Variants in SYNRG observed in about 807,000 individuals in gnomAD.
SYNRG encodes AP1 gamma subunit binding protein 1.
A neutral mutation model predicts 130.9 loss-of-function variants in SYNRG; 37 were observed. The ratio of observed to expected loss-of-function variants is 0.28; its 90% CI spans 0.22 to 0.37. SYNRG has a LOEUF of 0.37. Among genes scored for constraint, SYNRG ranks in the 10% least tolerant of loss-of-function variants. The pLI is 1.00. For missense variants in SYNRG, 1,338 were observed against 1,588.9 expected (o/e 0.84, Z 2.68); for synonymous variants, 539 against 568.1 (o/e 0.95, Z 0.73).
In SYNRG at chr17:37,542,472, T is replaced by A. The variant is rs1375968314; in HGVS notation, c.2702A>T (p.Asp901Val). ...AGAGAGTTTTCTGCCCTGAGTTGCA[T>A]CATCCCTGTCTGACCAGTCATAGCT... ...LTSYDWSDRD[D>V]ATQGRKLSPF... is the part of the protein sequence containing the mutation. The change falls in exon 15 of 22, where the codon GAT (aspartate) becomes GTT (valine). Residue 901 changes from aspartate (D) to valine (V), a missense_variant. This residue lies in a region of SYNRG where 1,146 missense variants were observed against 1,342.3 expected (regional missense o/e 0.85). Coordinates refer to ENST00000612223, the MANE Select transcript of SYNRG (RefSeq NM_007247.6). 1 of 1,614,078 alleles carries A rather than the reference T, an allele frequency of 6.2e-7. No homozygotes were observed. Among genetic ancestry groups the A allele is most frequent in the African/African-American group, 1.3e-5 (1 of 75,068 alleles).
Position 37,579,750 on chromosome 17 carries a change from G to T in SYNRG, c.590-2137C>A, listed in dbSNP as rs530583934. Among the ~76,000 whole-genome samples, 9 of 152,236 alleles carry T rather than the reference G, an allele frequency of 5.9e-5. No individual in the cohort carries two copies. The South Asian group carries it at 1.9e-3, about 32-fold the overall frequency. Reference sequence around the variant, plus strand: ...GACAGGATCTTGCTCTGTCACCTAGGCTACAGTGCTGTGGCATGCTCATAG... The same window carrying T: ...GACAGGATCTTGCTCTGTCACCTAGTCTACAGTGCTGTGGCATGCTCATAG... On this transcript the variant is annotated intron_variant, in intron 6 of 21. Coordinates refer to ENST00000612223, the MANE Select transcript of SYNRG (RefSeq NM_007247.6).
In SYNRG at chr17:37,571,884, A is replaced by G. The variant is rs141077282; in HGVS notation, c.1005T>C (p.Leu335=). 4 of 1,614,070 alleles carry G rather than the reference A, an allele frequency of 2.5e-6. No homozygotes were observed. The African/African-American group carries it at 5.3e-5, about 22-fold the overall frequency. The change falls in exon 9 of 22, where the codon CTT becomes CTC. Residue 335 remains leucine (L), a synonymous_variant. Coordinates refer to ENST00000612223, the MANE Select transcript of SYNRG (RefSeq NM_007247.6). ...GATTAGCTAAGGCCCATATCTGTCCAAGAGTTTCCCTGGGAAGCCCAGATG... is the reference window on the plus strand; with the variant it reads ...GATTAGCTAAGGCCCATATCTGTCCGAGAGTTTCCCTGGGAAGCCCAGATG... ...LMSSGLPRET[L]GQIWALANRT...
intron 10 of SYNRG, among the ~76,000 whole-genome samples, chr17:37,569,654 C>CAA (rs528592907): frequency 7.5e-4 from 40 of 53,676 alleles, no homozygotes; most frequent in Non-Finnish European, 1.1e-3. Context: ...GACTCTGTCT[C>CAA]AAAAAAAAAA....
At chr17:37,526,365 G>A (rs1279345036) in intron 19 of SYNRG, among the ~76,000 whole-genome samples, 4 of 152,194 alleles carry the variant, frequency 2.6e-5, no homozygotes, top group Non-Finnish European at 5.9e-5. Context: ...GAAACTATTT[G>A]TTACTGAAGC....
chr17:37,538,268 AC>A, intron 18 of SYNRG, 55 bp downstream of exon 18: 3 of 1,308,082 alleles, frequency 2.3e-6, no homozygotes, highest in Non-Finnish European at 3.2e-6. Flanking sequence ...TAAAGGGAAA[AC>A]TGAAAATAAT....
At chr17:37,535,274 A>C (rs1285641797) in intron 19 of SYNRG, among the ~76,000 whole-genome samples, 2 of 152,224 alleles carry the variant, frequency 1.3e-5, no homozygotes, top group Non-Finnish European at 2.9e-5. Context: ...TAAAAAAAAA[A>C]ATGTAAAAAA....
At chr17:37,593,455 C>T (rs1289343636) in intron 3 of SYNRG, among the ~76,000 whole-genome samples, 1 of 151,968 alleles carries the variant, frequency 6.6e-6, no homozygotes, top group African/African-American at 2.4e-5. Context: ...TTATCTGAAT[C>T]ATCACTTTTA....
chr17:37,565,729 G>A (rs575722816), intron 11 of SYNRG, among the ~76,000 whole-genome samples: 82 of 150,336 alleles, frequency 5.5e-4, no homozygotes, highest in African/African-American at 1.9e-3. Flanking sequence ...GCCTCTGCCC[G>A]GCCGCGACCC....
At chr17:37,540,792 GC>G (rs1018564205) in intron 15 of SYNRG, 92 of 735,310 alleles carry the variant, frequency 1.3e-4, no homozygotes, top group South Asian at 3.8e-4. Flanking sequence ...ACACCATCAT[GC>G]CTGGCTAATT....
At chr17:37,573,844 A>G (rs531235689) in intron 8 of SYNRG, among the ~76,000 whole-genome samples, 1 of 152,328 alleles carries the variant, frequency 6.6e-6, no homozygotes, top group South Asian at 2.1e-4. Context: ...TACAGATTCA[A>G]TGCAATCCCT....
chr17:37,567,540 T>C (rs1258266756), intron 11 of SYNRG: 1 of 152,224 alleles, frequency 6.6e-6, no homozygotes, highest in Non-Finnish European at 1.5e-5. Context: ...AGGTTTAACT[T>C]GTGTTGGTGC....
rs147915052 is a variant in SYNRG, at chr17:37,548,766, C to T, written c.2608+4349G>A. Among the ~76,000 whole-genome samples the T allele has an allele frequency of 3.5e-3, 503 of 145,098 alleles. 1 individual carries two copies. The highest frequency in any genetic ancestry group is 0.011 in the African/African-American group (445 of 38,982). ...CTCAGAGGCAGAGGTTGCAGTGAGC[C>T]GAGATCCAAGATTGCGCCATTCCAC... On this transcript the variant is annotated intron_variant, in intron 14 of 21. Coordinates refer to ENST00000612223, the MANE Select transcript of SYNRG (RefSeq NM_007247.6).
intron 3 of SYNRG, among the ~76,000 whole-genome samples, chr17:37,590,609 A>G (rs2062087169): frequency 6.6e-6 from 1 of 152,226 alleles, no homozygotes; most frequent in Non-Finnish European, 1.5e-5. Context: ...GAGTATACAA[A>G]TATATAAAAT....
chr17:37,560,525 G>A (rs536210069), intron 13 of SYNRG, among the ~76,000 whole-genome samples: 3 of 151,688 alleles, frequency 2.0e-5, no homozygotes, highest in East Asian at 3.9e-4. Flanking sequence ...TTTTAGTAGC[G>A]ATGGGGTCTT....
intron 11 of SYNRG, among the ~76,000 whole-genome samples, chr17:37,562,428 A>G (rs956400240): frequency 1.4e-4 from 22 of 152,114 alleles, no homozygotes; most frequent in Non-Finnish European, 4.4e-5. Flanking sequence ...TATCAGACCC[A>G]GGCAGCTCCC....
chr17:37,561,122 G>T, intron 13 of SYNRG, 73 bp downstream of exon 13: 1 of 1,310,384 alleles, frequency 7.6e-7, no homozygotes, highest in Non-Finnish European at 1.1e-6. Context: ...GAATGCCACT[G>T]AAAGAACCAT....
intron 3 of SYNRG, among the ~76,000 whole-genome samples, chr17:37,593,946 T>TA (rs1819656308): frequency 6.6e-6 from 1 of 151,856 alleles, no homozygotes; most frequent in Admixed American, 6.6e-5. Flanking sequence ...GATTAAAGGT[T>TA]AAAGAAAAAG....
chr17:37,591,376 T>C (rs1334005136), intron 3 of SYNRG, among the ~76,000 whole-genome samples: 1 of 152,206 alleles, frequency 6.6e-6, no homozygotes, highest in Admixed American at 6.5e-5. Flanking sequence ...ATTGATATGT[T>C]GGAAGACATC....
chr17:37,599,923 C>A (rs1233219779), intron 2 of SYNRG, among the ~76,000 whole-genome samples: 2 of 152,062 alleles, frequency 1.3e-5, no homozygotes, highest in African/African-American at 2.4e-5. Context: ...TACAGATAAC[C>A]TATTGTGCTG....
Sources: gnomAD v4.1 joint callset for allele counts (sites outside exome capture counted in the v4.1 genomes callset) on GRCh38, gnomAD v4.1.1 for gene constraint, gnomAD v4.1.1 regional missense constraint, MANE v1.5 for transcripts, NCBI Gene and HGNC (gene_info 2026-07-23, HGNC 2026-07-21) for gene names.